Variants in SLAMF9 observed in about 807,000 individuals in gnomAD.
SLAMF9 encodes SLAM family member 9, also known as CD2 family member 10.
SLAMF9 carries 25 observed loss-of-function variants against 30.4 expected under a neutral mutation model. The ratio of observed to expected loss-of-function variants is 0.82; its 90% CI spans 0.60 to 1.15. The LOEUF (loss-of-function observed/expected upper bound fraction) is 1.15, where lower values mean the gene tolerates loss of function less well. Ranked by LOEUF, SLAMF9 falls within the 50% of genes most tolerant of loss-of-function variation. SLAMF9 has a pLI of 0.00. For synonymous variants in SLAMF9, 129 were observed against 127.2 expected, an observed-to-expected ratio of 1.01 and a Z score of -0.09; for missense variants, 344 against 346.1, an observed-to-expected ratio of 0.99 and a Z score of 0.05.
chr1:159,964,270 T>G, the SLAMF9 span, among the ~76,000 whole-genome samples: 1 of 152,190 alleles, frequency 6.6e-6, no homozygotes, highest in Admixed American at 6.5e-5. Flanking sequence ...AGTGATATCT[T>G]TTGTTTCCAA....
chr1:159,981,125 G>T, the SLAMF9 span, among the ~76,000 whole-genome samples: 2 of 152,156 alleles, frequency 1.3e-5, no homozygotes, highest in African/African-American at 4.8e-5. Context: ...TGGAGACAGG[G>T]TATTTTAAAG....
upstream of SLAMF9, among the ~76,000 whole-genome samples, chr1:159,955,049 G>C (rs1651893524): frequency 6.7e-6 from 1 of 148,984 alleles, no homozygotes; most frequent in African/African-American, 2.5e-5. Flanking sequence ...CTGCACTCCA[G>C]CCTGGGTGAC....
At chr1:159,953,237 C>T (rs936614098) in intron 2 of SLAMF9, 72 bp downstream of exon 2, 44 of 1,273,740 alleles carry the variant, frequency 3.5e-5, no homozygotes, top group Middle Eastern at 4.6e-4. Context: ...AGTCCTGAGA[C>T]GCCCACTCCA....
chr1:159,972,005 C>A, the SLAMF9 span, among the ~76,000 whole-genome samples: 1 of 152,122 alleles, frequency 6.6e-6, no homozygotes, highest in African/African-American at 2.4e-5. Context: ...AGCATACAGA[C>A]CCATGTCAAT....
At position 159,952,340 on chromosome 1, in the gene SLAMF9, G is replaced by C. The variant is rs371885960; in HGVS notation, c.586C>G (p.Leu196Val). 1.2e-6 allele frequency: 2 copies of C among 1,614,068 alleles called. No homozygotes were observed. The highest frequency in any genetic ancestry group is 3.3e-5 in the Admixed American group (2 of 60,010). ...STSWRPGDSA[L>V]SYTCRANNPI... is the part of the protein sequence containing the mutation. ...TTGTTGGCTCTGCAGGTGTAGGAGA[G>C]GGCACTGTCCCCCGGCCTCCAGGAT... is the stretch of plus-strand genomic sequence containing the variant. The change falls in exon 3 of 4, where the codon CTC becomes GTC. Residue 196 changes from leucine (L) to valine (V), a missense_variant. Transcript: ENST00000368093.
upstream of SLAMF9, among the ~76,000 whole-genome samples, chr1:159,958,905 A>T (rs998899581): frequency 6.6e-6 from 1 of 152,198 alleles, no homozygotes; most frequent in Non-Finnish European, 1.5e-5. Context: ...TCAGTCCAGA[A>T]ATGAGTACTG....
chr1:159,973,389 A>G, the SLAMF9 span: 4 of 512,338 alleles, frequency 7.8e-6, no homozygotes, highest in Middle Eastern at 1.8e-3. Flanking sequence ...CGGGAACCCC[A>G]ACGGGAGGCA....
the SLAMF9 span, chr1:159,965,649 T>G: frequency 2.0e-5 from 3 of 152,188 alleles, no homozygotes; most frequent in Non-Finnish European, 4.4e-5. Context: ...TAATAAGGTA[T>G]GTACCTTCAT....
chr1:159,952,194 G>A, intron 3 of SLAMF9, 68 bp downstream of exon 3: 1 of 1,562,542 alleles, frequency 6.4e-7, no homozygotes, highest in South Asian at 1.1e-5. Context: ...GAAGAGCTGG[G>A]GGAGGGAGAT....
At chr1:159,959,609 G>A in the SLAMF9 span, among the ~76,000 whole-genome samples, 1 of 152,080 alleles carries the variant, frequency 6.6e-6, no homozygotes, top group Non-Finnish European at 1.5e-5. Flanking sequence ...TGTCGCCTCT[G>A]ACTCTCACTT....
chr1:159,965,233 C>T, the SLAMF9 span, among the ~76,000 whole-genome samples: 1 of 152,290 alleles, frequency 6.6e-6, no homozygotes, highest in East Asian at 1.9e-4. Context: ...CAGATCTGTA[C>T]CGTCTGATCA....
chr1:159,962,449 G>A, the SLAMF9 span, among the ~76,000 whole-genome samples: 5 of 152,094 alleles, frequency 3.3e-5, no homozygotes, highest in South Asian at 2.1e-4. Flanking sequence ...AAATGCTGAC[G>A]AGCAGATCCA....
the SLAMF9 span, among the ~76,000 whole-genome samples, chr1:159,975,722 G>A: frequency 6.6e-6 from 1 of 152,212 alleles, no homozygotes; most frequent in Admixed American, 6.5e-5. Context: ...AACAATGGCA[G>A]TGAGGTGAAA....
chr1:159,951,921 T>G, intron 3 of SLAMF9, 55 bp from the exon 4 acceptor site: 1 of 1,542,180 alleles, frequency 6.5e-7, no homozygotes, highest in Non-Finnish European at 8.9e-7. Context: ...GGGGTTAAGA[T>G]TTGGGCAGAC....
upstream of SLAMF9, among the ~76,000 whole-genome samples, chr1:159,959,104 C>G (rs1651987717): frequency 6.6e-6 from 1 of 152,180 alleles, no homozygotes; most frequent in Non-Finnish European, 1.5e-5. Context: ...CCTCCTTCCC[C>G]TCAACTCTCC....
chr1:159,966,342 A>G, the SLAMF9 span, among the ~76,000 whole-genome samples: 1 of 152,172 alleles, frequency 6.6e-6, no homozygotes, highest in Admixed American at 6.5e-5. Context: ...CATTTTCTTT[A>G]TCTATTTATC....
At chr1:159,952,111 G>T (rs1406636956) in intron 3 of SLAMF9, 151 bp downstream of exon 3, 3 of 924,450 alleles carry the variant, frequency 3.2e-6, no homozygotes, top group Admixed American at 5.3e-5. Context: ...AAAAACGGAG[G>T]GTCTCCTCTC....
At chr1:159,971,842 G>A in the SLAMF9 span, among the ~76,000 whole-genome samples, 37 of 152,142 alleles carry the variant, frequency 2.4e-4, no homozygotes, top group Non-Finnish European at 1.0e-4. Flanking sequence ...TCTTCAGGCC[G>A]CACCTGGACA....
At chr1:159,961,392 G>C in the SLAMF9 span, 2 of 152,236 alleles carry the variant, frequency 1.3e-5, no homozygotes, top group African/African-American at 4.8e-5. Context: ...TGGTACTGGA[G>C]GAGCCATTAA....
Sources: gnomAD v4.1 joint callset for allele counts (sites outside exome capture counted in the v4.1 genomes callset) on GRCh38, gnomAD v4.1.1 for gene constraint, MANE v1.5 for transcripts, NCBI Gene and HGNC (gene_info 2026-07-23, HGNC 2026-07-21) for gene names.